IQGAP2: variants seen among roughly 807,000 people sequenced by gnomAD.
IQGAP2 encodes ras GTPase-activating-like protein IQGAP2.
Under a neutral mutation model 201.3 loss-of-function variants are expected in IQGAP2, and 173 were observed. That is an observed-to-expected ratio of 0.86 (90% CI 0.76 to 0.98). The LOEUF is 0.98. Ranked by LOEUF, IQGAP2 falls within the 50% of genes least tolerant of loss-of-function variation. The pLI, the probability that IQGAP2 is intolerant of heterozygous loss-of-function variation, is 0.00. For missense variants in IQGAP2, 1,687 were observed against 1,864.8 expected, an observed-to-expected ratio of 0.90 and a Z score of 1.76; for synonymous variants, 675 against 673.9, an observed-to-expected ratio of 1.00 and a Z score of -0.03.
At chr5:76,539,510 G>A (rs971678901) in intron 2 of IQGAP2, among the ~76,000 whole-genome samples, 12 of 152,170 alleles carry the variant, frequency 7.9e-5, no homozygotes, top group African/African-American at 2.7e-4. Context: ...CAGACTAGGA[G>A]CAAGATGCTC....
chr5:76,657,447 G>T (rs565462921), intron 20 of IQGAP2, among the ~76,000 whole-genome samples: 131 of 152,326 alleles, frequency 8.6e-4, no homozygotes, highest in South Asian at 2.1e-3. Context: ...TTATGCAGTT[G>T]TTTGTGGTTT....
In IQGAP2 at chr5:76,698,063, T is replaced by C; in HGVS notation, c.4283T>C (p.Leu1428Pro). ...AAACTTCAGCAGACCCTGAATGCAC[T>C]TAACAAGAAGGCAGCATTTTATGAA... ...LAKLQQTLNA[L>P]NKKAAFYEEQ... The change falls in exon 33 of 36, where the codon CTT becomes CCT. Residue 1428 changes from leucine (L) to proline (P), a missense_variant. Physicochemically the swap from Leu to Pro is moderately conservative, Grantham distance 98. Coordinates refer to ENST00000274364, the MANE Select transcript of IQGAP2 (RefSeq NM_006633.5). The C allele has an allele frequency of 6.2e-7, 1 of 1,613,210 alleles. No individual in the cohort carries two copies. The highest frequency in any genetic ancestry group is 1.1e-5 in the South Asian group (1 of 91,048).
At chr5:76,585,887 G>A (rs1271389332) in intron 5 of IQGAP2, among the ~76,000 whole-genome samples, 2 of 152,126 alleles carry the variant, frequency 1.3e-5, no homozygotes, top group African/African-American at 2.4e-5. Context: ...TATCTTGCCT[G>A]TTAAATTCTG....
At chr5:76,630,964 T>A (rs202000526) in intron 14 of IQGAP2, among the ~76,000 whole-genome samples, 1 of 152,222 alleles carries the variant, frequency 6.6e-6, no homozygotes, top group East Asian at 1.9e-4. Context: ...GCTATGCACA[T>A]GTGAACATAA....
At chr5:76,665,854 G>A (rs1484025631) in intron 22 of IQGAP2, among the ~76,000 whole-genome samples, 1 of 152,218 alleles carries the variant, frequency 6.6e-6, no homozygotes, top group African/African-American at 2.4e-5. Flanking sequence ...CATACAGCTA[G>A]TCACAGAGGA....
At chr5:76,417,321 GCT>G (rs1208457150) in intron 1 of IQGAP2, among the ~76,000 whole-genome samples, 1 of 151,822 alleles carries the variant, frequency 6.6e-6, no homozygotes, top group African/African-American at 2.4e-5. Flanking sequence ...ATGAAGTCTT[GCT>G]CTGTCACCCA....
chr5:76,473,660 C>G (rs1313713566), intron 2 of IQGAP2, among the ~76,000 whole-genome samples: 1 of 152,130 alleles, frequency 6.6e-6, no homozygotes, highest in Non-Finnish European at 1.5e-5. Context: ...AGAATTTGTA[C>G]TTCTCTATGA....
At chr5:76,434,962 G>A (rs960416071) in intron 1 of IQGAP2, among the ~76,000 whole-genome samples, 3 of 151,896 alleles carry the variant, frequency 2.0e-5, no homozygotes, top group African/African-American at 4.8e-5. Context: ...GTGATGTTGA[G>A]CATTTTTTCA....
In IQGAP2 at chr5:76,668,848, T is replaced by C. The variant is rs1461902740; in HGVS notation, c.2843+4T>C. 1.9e-6 allele frequency: 3 copies of C among 1,562,548 alleles called. No individual in the cohort carries two copies. Among genetic ancestry groups the C allele is most frequent in the Non-Finnish European group, 2.6e-6 (3 of 1,147,254 alleles). On this transcript the variant is annotated splice_donor_region_variant and intron_variant, in intron 23 of 35. Coordinates refer to ENST00000274364, the MANE Select transcript of IQGAP2 (RefSeq NM_006633.5). ...CTGCTCTGGAGGAAGAAATAAAGTATGTATACAAATATGTATGTAAAAATA... is the reference window on the plus strand; with the variant it reads ...CTGCTCTGGAGGAAGAAATAAAGTACGTATACAAATATGTATGTAAAAATA...
intron 13 of IQGAP2, among the ~76,000 whole-genome samples, chr5:76,626,724 G>A (rs1750272502): frequency 1.3e-5 from 2 of 152,128 alleles, no homozygotes; most frequent in African/African-American, 4.8e-5. Flanking sequence ...ATGGTACCCT[G>A]GGACACCTTG....
intron 2 of IQGAP2, among the ~76,000 whole-genome samples, chr5:76,522,069 A>T (rs889804758): frequency 6.6e-6 from 1 of 152,150 alleles, no homozygotes; most frequent in African/African-American, 2.4e-5. Context: ...GGAAACAGAA[A>T]CTTCTCCACT....
At chr5:76,506,649 G>A (rs1757620932) in intron 2 of IQGAP2, among the ~76,000 whole-genome samples, 1 of 152,006 alleles carries the variant, frequency 6.6e-6, no homozygotes, top group African/African-American at 2.4e-5. Context: ...ATAATATTCT[G>A]GAACTAACAA....
chr5:76,410,526 G>A (rs1483364711), intron 1 of IQGAP2, among the ~76,000 whole-genome samples: 1 of 152,182 alleles, frequency 6.6e-6, no homozygotes, highest in Non-Finnish European at 1.5e-5. Context: ...CTGTCTGCTG[G>A]CTGCTTAGCG....
At chr5:76,404,402 T>G in intron 1 of IQGAP2, 1 of 922,498 alleles carries the variant, frequency 1.1e-6, no homozygotes, top group South Asian at 5.0e-5. Context: ...GTCCTAAACA[T>G]GTGCCAGGAA....
chr5:76,681,089 CAAAAAAAA>C (rs34896356), intron 28 of IQGAP2, among the ~76,000 whole-genome samples: 33 of 52,978 alleles, frequency 6.2e-4, no homozygotes, highest in African/African-American at 2.4e-3. Flanking sequence ...GACTTTGTCT[CAAAAAAAA>C]AAAAAAAAAA....
intron 5 of IQGAP2, among the ~76,000 whole-genome samples, chr5:76,582,787 A>ACTG (rs1298623663): frequency 8.6e-5 from 13 of 151,916 alleles, no homozygotes; most frequent in African/African-American, 3.1e-4. Flanking sequence ...GATAACAACT[A>ACTG]CTACTACTAC....
In IQGAP2 at chr5:76,461,575, G is replaced by A; in HGVS notation, c.52G>A (p.Val18Met). 6.2e-7 allele frequency: 1 copy of A among 1,611,610 alleles called. No homozygotes were observed. Among genetic ancestry groups the A allele is most frequent in the Non-Finnish European group, 8.5e-7 (1 of 1,177,842 alleles). ...TTGTTATCCTCTATTTCTAGCTATTGTGGACGATGAAAGGCTCTCTGCAGA... is the reference window on the plus strand; with the variant it reads ...TTGTTATCCTCTATTTCTAGCTATTATGGACGATGAAAGGCTCTCTGCAGA... Reference protein sequence around the residue: ...SLQRPRYGSIVDDERLSAEEM... With the variant: ...SLQRPRYGSIMDDERLSAEEM... Residue 18 changes from valine to methionine, a missense_variant, in exon 2 of 36, where the codon GTG (valine) becomes ATG (methionine). Coordinates refer to ENST00000274364, the MANE Select transcript of IQGAP2 (RefSeq NM_006633.5).
At chr5:76,542,424 G>T (rs1742838711) in intron 2 of IQGAP2, among the ~76,000 whole-genome samples, 1 of 152,200 alleles carries the variant, frequency 6.6e-6, no homozygotes, top group African/African-American at 2.4e-5. Flanking sequence ...CACCCAGCCA[G>T]CTTCGTTCCT....
intron 2 of IQGAP2, among the ~76,000 whole-genome samples, chr5:76,536,890 G>A (rs1408775319): frequency 6.6e-6 from 1 of 152,150 alleles, no homozygotes; most frequent in African/African-American, 2.4e-5. Context: ...AAATTGTGAA[G>A]TTCCTTAACT....
Sources: gnomAD v4.1 joint callset for allele counts (sites outside exome capture counted in the v4.1 genomes callset) on GRCh38, gnomAD v4.1.1 for gene constraint, MANE v1.5 for transcripts, NCBI Gene and HGNC (gene_info 2026-07-23, HGNC 2026-07-21) for gene names.